The following RASGEF1A variants were observed in gnomAD, a reference collection of about 807,000 sequenced individuals.
The protein encoded by RASGEF1A is RasGEF domain family member 1A.
A neutral mutation model predicts 56.4 loss-of-function variants in RASGEF1A; 18 were observed. The observed-to-expected ratio is 0.32, with a 90% CI of 0.22 to 0.47. RASGEF1A has a LOEUF of 0.47. Ranked by LOEUF, RASGEF1A falls within the 20% of genes least tolerant of loss-of-function variation. The pLI, the probability that RASGEF1A is intolerant of heterozygous loss-of-function variation, is 1.00. For synonymous variants in RASGEF1A, 245 were observed against 242.6 expected (o/e 1.01, Z -0.09); for missense variants, 422 against 627.1 (o/e 0.67, Z 3.49).
rs1839872089 is a variant in RASGEF1A at position 43,200,254 on chromosome 10, G to C, written c.684C>G (p.Asp228Glu). The C allele has an allele frequency of 6.2e-7, 1 of 1,603,784 alleles. No homozygotes were observed. Among genetic ancestry groups the C allele is most frequent in the South Asian group, 1.1e-5 (1 of 89,350 alleles). ...CCTCAGGGTAAATGCTGCTGACCCTGTCCTGGGGTGGAAGATAGCAAAGGG... is the reference window on the plus strand; with the variant it reads ...CCTCAGGGTAAATGCTGCTGACCCTCTCCTGGGGTGGAAGATAGCAAAGGG... ...LAQQLTHIELDRVSSIYPEDL... is the reference protein window; with the variant it reads ...LAQQLTHIELERVSSIYPEDL... Residue 228 changes from aspartate (D) to glutamate (E), a missense_variant and splice_region_variant, in exon 6 of 13, where the codon GAC (aspartate) becomes GAG (glutamate). This residue lies in a region of RASGEF1A where 273 missense variants were observed against 339.9 expected (regional missense o/e 0.80). Transcript: ENST00000395810.
rs377613165 is a variant in RASGEF1A, at chr10:43,199,043, G to T, written c.953-31C>A. On this transcript the variant is annotated intron_variant, in intron 8 of 12. Transcript: ENST00000395810. ...GAGGACAGCAGGTAGGGTCAGGGCC[G>T]GGGGGGTGGGCCATGCAGCAGCCCC... is the stretch of plus-strand genomic sequence containing the variant. 9.1e-5 allele frequency: 144 copies of T among 1,575,060 alleles called. 1 individual carries two copies. In the African/African-American group the frequency reaches 1.7e-3, roughly 18 times the overall value.
intron 10 of RASGEF1A, among the ~76,000 whole-genome samples, chr10:43,197,550 T>G (rs191912762): frequency 6.6e-6 from 1 of 152,304 alleles, no homozygotes; most frequent in East Asian, 1.9e-4. Context: ...CACCTACACC[T>G]GCCCTGCCAC....
chr10:43,203,502 G>C, intron 2 of RASGEF1A, 82 bp from the exon 3 acceptor site: 2 of 1,443,846 alleles, frequency 1.4e-6, no homozygotes. Flanking sequence ...ACCTGGCCCG[G>C]CTGCCTCCCA....
chr10:43,227,079 GTT>G (rs1840288684), intron 1 of RASGEF1A, among the ~76,000 whole-genome samples: 1 of 152,208 alleles, frequency 6.6e-6, no homozygotes, highest in Admixed American at 6.5e-5. Context: ...ATAACCAGGG[GTT>G]TTCCAGTGGG....
At chr10:43,219,619 AAGC>A (rs1373110952) in intron 1 of RASGEF1A, among the ~76,000 whole-genome samples, 1 of 152,168 alleles carries the variant, frequency 6.6e-6, no homozygotes, top group Non-Finnish European at 1.5e-5. Flanking sequence ...GTCAGCCCCG[AAGC>A]AGCAGCCCAT....
chr10:43,246,759 T>A (rs948708444), intron 1 of RASGEF1A, among the ~76,000 whole-genome samples: 1 of 152,174 alleles, frequency 6.6e-6, no homozygotes, highest in African/African-American at 2.4e-5. Flanking sequence ...GTACCACATA[T>A]AAAAATGAAT....
At chr10:43,221,952 T>C (rs1012624246) in intron 1 of RASGEF1A, among the ~76,000 whole-genome samples, 1 of 152,204 alleles carries the variant, frequency 6.6e-6, no homozygotes, top group African/African-American at 2.4e-5. Context: ...CCCGGGCACA[T>C]ACAGTCATGC....
At chr10:43,257,640 G>T (rs1836446608) in intron 1 of RASGEF1A, among the ~76,000 whole-genome samples, 1 of 152,210 alleles carries the variant, frequency 6.6e-6, no homozygotes, top group African/African-American at 2.4e-5. Flanking sequence ...CACAGCGATG[G>T]GCAACAACAG....
chr10:43,242,144 AT>A (rs1840509518), intron 1 of RASGEF1A, among the ~76,000 whole-genome samples: 1 of 152,212 alleles, frequency 6.6e-6, no homozygotes, highest in African/African-American at 2.4e-5. Context: ...TCTCAAAAAA[AT>A]AAATAAATAA....
chr10:43,207,226 T>A, intron 1 of RASGEF1A: 1 of 985,460 alleles, frequency 1.0e-6, no homozygotes, highest in Non-Finnish European at 1.2e-6. Flanking sequence ...GCGGCTGAGG[T>A]CAGGTGGAGA....
At chr10:43,206,244 G>T in intron 1 of RASGEF1A, 122 bp from the exon 2 acceptor site, 3 of 836,168 alleles carry the variant, frequency 3.6e-6, no homozygotes, top group African/African-American at 1.7e-5. Context: ...GGGCGCAGCG[G>T]CACTGGCAGA....
At position 43,238,742 on chromosome 10, in the gene RASGEF1A, T is replaced by C. The variant is rs1199766105; in HGVS notation, c.-7+28103A>G. The stretch of plus-strand genomic sequence containing the variant: ...ATATCAGGGTCAGGCTGGTAGGGCA[T>C]GTGGGCAGCAATGCATCTCAGGGAG... On this transcript the variant is annotated intron_variant, in intron 1 of 12. Coordinates refer to ENST00000395810, the MANE Select transcript of RASGEF1A (RefSeq NM_145313.4). Among the ~76,000 whole-genome samples, 3 of 152,148 alleles carry C rather than the reference T, an allele frequency of 2.0e-5. No individual in the cohort carries two copies. The East Asian group carries it at 5.8e-4, about 29-fold the overall frequency.
chr10:43,239,646 A>G (rs1429399499), intron 1 of RASGEF1A, among the ~76,000 whole-genome samples: 1 of 152,224 alleles, frequency 6.6e-6, no homozygotes, highest in Non-Finnish European at 1.5e-5. Flanking sequence ...CACATTCATC[A>G]TGAAAACCAC....
At chr10:43,255,912 G>A (rs1349519556) in intron 1 of RASGEF1A, among the ~76,000 whole-genome samples, 1 of 152,192 alleles carries the variant, frequency 6.6e-6, no homozygotes, top group Non-Finnish European at 1.5e-5. Flanking sequence ...TCTAGAGTGG[G>A]GGTGCAGTGT....
intron 1 of RASGEF1A, among the ~76,000 whole-genome samples, chr10:43,233,239 C>T (rs917568915): frequency 1.3e-5 from 2 of 152,200 alleles, no homozygotes; most frequent in African/African-American, 4.8e-5. Context: ...GTTTTGTTGA[C>T]TGCTACATCC....
At chr10:43,205,790 C>G in intron 2 of RASGEF1A, 129 bp downstream of exon 2, 1 of 745,914 alleles carries the variant, frequency 1.3e-6, no homozygotes. Flanking sequence ...CCTGGGCCCC[C>G]CACTGCCCTG....
intron 1 of RASGEF1A, among the ~76,000 whole-genome samples, chr10:43,212,709 G>A (rs1840084971): frequency 6.6e-6 from 1 of 152,254 alleles, no homozygotes; most frequent in Non-Finnish European, 1.5e-5. Flanking sequence ...CAGCCTGGGT[G>A]AGGGACTGTG....
chr10:43,259,190 T>A (rs779004497), intron 1 of RASGEF1A, among the ~76,000 whole-genome samples: 1 of 152,198 alleles, frequency 6.6e-6, no homozygotes, highest in South Asian at 2.1e-4. Context: ...CAGATATCCA[T>A]GCAGTGTGGC....
intron 1 of RASGEF1A, among the ~76,000 whole-genome samples, chr10:43,245,951 G>T (rs1469181664): frequency 6.6e-6 from 1 of 152,098 alleles, no homozygotes; most frequent in African/African-American, 2.4e-5. Flanking sequence ...CACCCATATT[G>T]AAAAGAAGAA....
Sources: gnomAD v4.1 joint callset for allele counts (sites outside exome capture counted in the v4.1 genomes callset) on GRCh38, gnomAD v4.1.1 for gene constraint, gnomAD v4.1.1 regional missense constraint, MANE v1.5 for transcripts, NCBI Gene and HGNC (gene_info 2026-07-23, HGNC 2026-07-21) for gene names.